The following RAB27B variants were observed in gnomAD, a reference collection of about 807,000 sequenced individuals.
RAB27B encodes RAB27B, member RAS oncogene family, also known as ras-related protein Rab-27B.
Under a neutral mutation model 24.6 loss-of-function variants are expected in RAB27B, and 15 were observed. The observed-to-expected ratio is 0.61, with a 90% CI of 0.41 to 0.94. The LOEUF is 0.94. Ranked by LOEUF, RAB27B falls within the 40% of genes least tolerant of loss-of-function variation. The probability of loss-of-function intolerance (pLI) is 0.00; values close to 1 mark genes in which losing one functional copy is unlikely to be tolerated. For missense variants in RAB27B, 261 were observed against 266.8 expected (o/e 0.98, Z 0.15); for synonymous variants, 105 against 92.5 (o/e 1.14, Z -0.78).
chr18:54,874,465 C>A (rs187867171), intron 1 of RAB27B, among the ~76,000 whole-genome samples: 3 of 151,642 alleles, frequency 2.0e-5, no homozygotes, highest in Middle Eastern at 3.4e-3. Flanking sequence ...AAATTTTCAT[C>A]TTTGGGCCTG....
chr18:54,742,438 G>A (rs1354238710), intron 2 of RAB27B, among the ~76,000 whole-genome samples: 3 of 152,110 alleles, frequency 2.0e-5, no homozygotes, highest in Non-Finnish European at 2.9e-5. Context: ...CTATCAGAAC[G>A]GAAGGCAGGA....
At chr18:54,866,300 G>A (rs1468175596) in intron 1 of RAB27B, among the ~76,000 whole-genome samples, 5 of 127,428 alleles carry the variant, frequency 3.9e-5, no homozygotes, top group Admixed American at 8.0e-5. Context: ...CCTGCCCCCC[G>A]CGCCCTGCGC....
chr18:54,808,897 T>G (rs1373675943), intron 2 of RAB27B, among the ~76,000 whole-genome samples: 1 of 152,174 alleles, frequency 6.6e-6, no homozygotes, highest in Admixed American at 6.5e-5. Context: ...CCAGAAATTA[T>G]GAAAAATTGC....
chr18:54,746,938 CT>C (rs1910267893), intron 2 of RAB27B, among the ~76,000 whole-genome samples: 2 of 152,082 alleles, frequency 1.3e-5, no homozygotes, highest in African/African-American at 4.8e-5. Context: ...AGAATTCTGG[CT>C]TAGGGGCTAT....
intron 1 of RAB27B, among the ~76,000 whole-genome samples, chr18:54,833,116 C>T (rs1211598549): frequency 6.6e-6 from 1 of 151,996 alleles, no homozygotes; most frequent in East Asian, 1.9e-4. Flanking sequence ...GCACAGTGAG[C>T]CGAAGCTTGG....
At chr18:54,805,935 C>G (rs371520050) in intron 2 of RAB27B, among the ~76,000 whole-genome samples, 1 of 152,094 alleles carries the variant, frequency 6.6e-6, no homozygotes, top group South Asian at 2.1e-4. Flanking sequence ...ATTGATTACT[C>G]GTAAGTTGAG....
rs1913299244 is a variant in RAB27B, at chr18:54,889,873, C to G, written c.*460C>G. ...ATTTGCATTGGGGAAAATGTACTAG[C>G]TAAAAATGGATACACAATGAAGAAT... is the stretch of plus-strand genomic sequence containing the variant. On this transcript the variant is annotated 3_prime_UTR_variant, in exon 6 of 6. Transcript: ENST00000262094. The G allele has an allele frequency of 6.5e-6, 1 of 152,970 alleles. No individual in the cohort carries two copies. Among genetic ancestry groups the G allele is most frequent in the Non-Finnish European group, 1.5e-5 (1 of 68,748 alleles). The allele number at this position is 152,970 out of a possible 1,614,324, so 9.5% of individuals were successfully genotyped here. A position where few individuals can be genotyped will look rare whatever the true frequency, so the allele number is the denominator to read the frequency against.
intron 2 of RAB27B, among the ~76,000 whole-genome samples, chr18:54,811,838 C>A (rs765675377): frequency 6.6e-6 from 1 of 152,294 alleles, no homozygotes; most frequent in Non-Finnish European, 1.5e-5. Flanking sequence ...TTGCCTGATG[C>A]AGTTTCCCTT....
intron 2 of RAB27B, among the ~76,000 whole-genome samples, chr18:54,750,185 A>G (rs573471024): frequency 1.3e-5 from 2 of 152,292 alleles, no homozygotes; most frequent in East Asian, 3.9e-4. Context: ...TTTTTTATCA[A>G]TTAAATTAAT....
chr18:54,808,203 T>C (rs1909854258), intron 2 of RAB27B, among the ~76,000 whole-genome samples: 1 of 152,228 alleles, frequency 6.6e-6, no homozygotes, highest in Non-Finnish European at 1.5e-5. Flanking sequence ...GTAACACACA[T>C]TCCCTGTATC....
chr18:54,758,866 G>C (rs537836666), intron 2 of RAB27B, among the ~76,000 whole-genome samples: 2 of 152,242 alleles, frequency 1.3e-5, no homozygotes, highest in Non-Finnish European at 2.9e-5. Flanking sequence ...AATTAGCTTT[G>C]AGTCATTTAA....
chr18:54,797,934 T>C, intron 2 of RAB27B, among the ~76,000 whole-genome samples: 1 of 152,172 alleles, frequency 6.6e-6, no homozygotes, highest in East Asian at 1.9e-4. Context: ...TCAGGAGACA[T>C]TGTTTTTATT....
At chr18:54,731,620 T>TA (rs1290625603) in intron 2 of RAB27B, among the ~76,000 whole-genome samples, 1 of 152,164 alleles carries the variant, frequency 6.6e-6, no homozygotes, top group East Asian at 1.9e-4. Context: ...CTCAGAAGGC[T>TA]GAGGCAGGAG....
chr18:54,871,753 G>A (rs997863743), intron 1 of RAB27B, among the ~76,000 whole-genome samples: 6 of 151,454 alleles, frequency 4.0e-5, no homozygotes, highest in Non-Finnish European at 8.8e-5. Context: ...GGGAGACTGA[G>A]GCAGGAGAAT....
At chr18:54,889,176 G>T in intron 5 of RAB27B, 48 bp from the exon 6 acceptor site, 1 of 1,538,902 alleles carries the variant, frequency 6.5e-7, no homozygotes, top group Non-Finnish European at 8.8e-7. Flanking sequence ...TGCTGTATCT[G>T]TTCTGATTTC....
intron 2 of RAB27B, among the ~76,000 whole-genome samples, chr18:54,718,492 T>G (rs117468719): frequency 6.6e-6 from 1 of 152,244 alleles, no homozygotes; most frequent in Non-Finnish European, 1.5e-5. Flanking sequence ...GGTGCAGTGT[T>G]GGAGTCTTTT....
At chr18:54,735,706 G>A (rs922620739) in intron 2 of RAB27B, among the ~76,000 whole-genome samples, 1 of 152,010 alleles carries the variant, frequency 6.6e-6, no homozygotes, top group Non-Finnish European at 1.5e-5. Flanking sequence ...ATTTTTAGTA[G>A]ACAAAGGGTT....
chr18:54,811,545 C>T (rs1379162866), intron 2 of RAB27B, among the ~76,000 whole-genome samples: 1 of 152,212 alleles, frequency 6.6e-6, no homozygotes, highest in East Asian at 1.9e-4. Context: ...TAGTCACTTA[C>T]GCTTTAGTCT....
At chr18:54,771,162 C>A (rs934463807) in intron 2 of RAB27B, among the ~76,000 whole-genome samples, 8 of 152,118 alleles carry the variant, frequency 5.3e-5, no homozygotes, top group African/African-American at 1.9e-4. Context: ...AAGGCAGTGA[C>A]AGTCAGTTTG....
Sources: gnomAD v4.1 joint callset for allele counts (sites outside exome capture counted in the v4.1 genomes callset) on GRCh38, gnomAD v4.1.1 for gene constraint, MANE v1.5 for transcripts, NCBI Gene and HGNC (gene_info 2026-07-23, HGNC 2026-07-21) for gene names.